Variants in TAFA4 observed in about 807,000 individuals in gnomAD.
TAFA4 encodes chemokine-like protein TAFA-4.
A neutral mutation model predicts 21.1 loss-of-function variants in TAFA4; 20 were observed. The observed-to-expected ratio is 0.95, with a 90% CI of 0.67 to 1.38. TAFA4 has a LOEUF of 1.38. TAFA4 is among the 40% of genes most tolerant of loss of function. The pLI is 0.00. For synonymous variants in TAFA4, 71 were observed against 67.4 expected (o/e 1.05, Z -0.26); for missense variants, 211 against 180.9 (o/e 1.17, Z -0.95).
At chr3:68,866,598 T>G (rs1295917779) in intron 3 of TAFA4, among the ~76,000 whole-genome samples, 2 of 125,504 alleles carry the variant, frequency 1.6e-5, no homozygotes, top group African/African-American at 6.1e-5. Context: ...GGATGAACCC[T>G]AATGAGATGG....
At chr3:68,927,709 G>A (rs996391695) in intron 1 of TAFA4, among the ~76,000 whole-genome samples, 2 of 151,902 alleles carry the variant, frequency 1.3e-5, no homozygotes, top group Non-Finnish European at 2.9e-5. Context: ...CACCAGCCTG[G>A]GGAACATGCT....
At chr3:68,807,218 T>C (rs1284362391) in intron 3 of TAFA4, among the ~76,000 whole-genome samples, 2 of 152,178 alleles carry the variant, frequency 1.3e-5, no homozygotes, top group Non-Finnish European at 2.9e-5. Flanking sequence ...AACCTCACCA[T>C]GTTGGGTTTA....
At chr3:68,733,537 CTTT>C (rs150571205) in intron 5 of TAFA4, among the ~76,000 whole-genome samples, 2 of 152,034 alleles carry the variant, frequency 1.3e-5, no homozygotes, top group African/African-American at 4.8e-5. Flanking sequence ...AAAATGTTGC[CTTT>C]TTTATGTTAT....
intron 1 of TAFA4, among the ~76,000 whole-genome samples, chr3:68,928,105 C>T (rs1052650974): frequency 1.3e-5 from 2 of 152,116 alleles, no homozygotes; most frequent in African/African-American, 2.4e-5. Context: ...ATTATTTATG[C>T]TTGTGTTAAT....
chr3:68,807,509 A>G (rs1164984439), intron 3 of TAFA4, among the ~76,000 whole-genome samples: 1 of 152,144 alleles, frequency 6.6e-6, no homozygotes, highest in East Asian at 1.9e-4. Context: ...ATATCTTACA[A>G]TGCTCCTGGA....
At chr3:68,835,077 C>T (rs1704491797) in intron 3 of TAFA4, among the ~76,000 whole-genome samples, 1 of 151,646 alleles carries the variant, frequency 6.6e-6, no homozygotes, top group Non-Finnish European at 1.5e-5. Flanking sequence ...TTATCACCTA[C>T]TCCTTTCCCT....
chr3:68,781,888 C>G (rs984526094), intron 3 of TAFA4, among the ~76,000 whole-genome samples: 1 of 152,086 alleles, frequency 6.6e-6, no homozygotes, highest in African/African-American at 2.4e-5. Flanking sequence ...AGAACTAAAA[C>G]CACAAAAGTC....
At chr3:68,918,348 G>A (rs7616116) in intron 1 of TAFA4, among the ~76,000 whole-genome samples, 39,773 of 151,976 alleles carry the variant, frequency 0.26, 5,635 homozygotes, top group African/African-American at 0.38. Context: ...TACTTCTAAT[G>A]TAACTTTTGC....
At chr3:68,803,312 T>C (rs948231363) in intron 3 of TAFA4, among the ~76,000 whole-genome samples, 1 of 152,216 alleles carries the variant, frequency 6.6e-6, no homozygotes, top group Non-Finnish European at 1.5e-5. Context: ...TTGAAACTGC[T>C]GCCTGGTTCC....
intron 3 of TAFA4, among the ~76,000 whole-genome samples, chr3:68,768,595 T>C (rs1702898865): frequency 6.6e-6 from 1 of 152,174 alleles, no homozygotes; most frequent in Non-Finnish European, 1.5e-5. Context: ...TCTCACTACC[T>C]GGTATGTATC....
At chr3:68,834,436 A>G (rs1184913679) in intron 3 of TAFA4, among the ~76,000 whole-genome samples, 2 of 152,156 alleles carry the variant, frequency 1.3e-5, no homozygotes, top group Non-Finnish European at 2.9e-5. Flanking sequence ...AGTGTCATTT[A>G]CTGTGCTCAT....
chr3:68,848,428 ATAT>A, intron 3 of TAFA4, among the ~76,000 whole-genome samples: 1 of 152,180 alleles, frequency 6.6e-6, no homozygotes, highest in African/African-American at 2.4e-5. Context: ...TAGACACAAG[ATAT>A]AACTGGAGTT....
chr3:68,835,001 T>C (rs1479975403), intron 3 of TAFA4, among the ~76,000 whole-genome samples: 1 of 152,130 alleles, frequency 6.6e-6, no homozygotes, highest in Non-Finnish European at 1.5e-5. Flanking sequence ...GAAGCCAAAA[T>C]CTTCACAATG....
intron 4 of TAFA4, among the ~76,000 whole-genome samples, chr3:68,747,538 C>A (rs1276824339): frequency 6.6e-6 from 1 of 152,178 alleles, no homozygotes; most frequent in Non-Finnish European, 1.5e-5. Flanking sequence ...ATGGTGAGGC[C>A]TCCCCAGCCA....
chr3:68,769,316 T>C (rs1702911012), intron 3 of TAFA4, among the ~76,000 whole-genome samples: 1 of 152,240 alleles, frequency 6.6e-6, no homozygotes, highest in Non-Finnish European at 1.5e-5. Flanking sequence ...TCACTGATTC[T>C]ACCTTATGGT....
chr3:68,905,431 G>C (rs536916869), intron 1 of TAFA4, among the ~76,000 whole-genome samples: 10 of 152,182 alleles, frequency 6.6e-5, no homozygotes, highest in Admixed American at 5.9e-4. Context: ...GCCTCCCAAA[G>C]TATTTGGATT....
chr3:68,873,332 A>G (rs1403970247), intron 3 of TAFA4, among the ~76,000 whole-genome samples: 3 of 119,606 alleles, frequency 2.5e-5, no homozygotes, highest in African/African-American at 9.7e-5. Context: ...AGACACACGC[A>G]GACATACACA....
intron 3 of TAFA4, among the ~76,000 whole-genome samples, chr3:68,788,771 C>G (rs1703310059): frequency 1.3e-5 from 2 of 151,548 alleles, no homozygotes; most frequent in African/African-American, 2.4e-5. Context: ...GCCACCATAC[C>G]TGGCTAAATT....
rs904665212 is a variant in TAFA4 at position 68,805,518 on chromosome 3, C to T, written c.131-52500G>A. 5.1e-4 allele frequency among the ~76,000 whole-genome samples: 77 copies of T among 152,156 alleles called. 1 individual carries two copies. Among genetic ancestry groups the T allele is most frequent in the Non-Finnish European group, 5.1e-4 (35 of 68,004 alleles). ...GACACATGCACACGTATGTTTATTG[C>T]GGCACTATTCACAATAGCAAAGACT... On this transcript the variant is annotated intron_variant, in intron 3 of 5. Transcript: ENST00000295569.
Sources: gnomAD v4.1 joint callset for allele counts (sites outside exome capture counted in the v4.1 genomes callset) on GRCh38, gnomAD v4.1.1 for gene constraint, MANE v1.5 for transcripts, NCBI Gene and HGNC (gene_info 2026-07-23, HGNC 2026-07-21) for gene names.